The following KYNU variants were observed in gnomAD, a reference collection of about 807,000 sequenced individuals.
KYNU encodes the protein kynureninase, also known as L-kynurenine hydrolase.
In KYNU, 54 loss-of-function variants were observed where a neutral mutation model predicts 59.2. The ratio of observed to expected loss-of-function variants is 0.91; its 90% CI spans 0.73 to 1.14. The LOEUF (loss-of-function observed/expected upper bound fraction) is 1.14, where lower values mean the gene tolerates loss of function less well. Ranked by LOEUF, KYNU falls within the 50% of genes most tolerant of loss-of-function variation. The pLI is 0.00. For missense variants in KYNU, 567 were observed against 554.4 expected (o/e 1.02, Z -0.23); for synonymous variants, 177 against 192.0 (o/e 0.92, Z 0.65).
At chr2:142,929,550 G>A (rs986204780) in intron 4 of KYNU, among the ~76,000 whole-genome samples, 2 of 152,124 alleles carry the variant, frequency 1.3e-5, no homozygotes, top group African/African-American at 2.4e-5. Context: ...CCAAGGCACA[G>A]TCTCAAGAGG....
intron 10 of KYNU, among the ~76,000 whole-genome samples, chr2:143,020,574 A>C (rs1357208056): frequency 6.6e-6 from 1 of 152,170 alleles, no homozygotes; most frequent in African/African-American, 2.4e-5. Context: ...AAATGTTCTA[A>C]GTGCTGATGA....
At chr2:142,915,715 G>T (rs1297297401) in intron 2 of KYNU, among the ~76,000 whole-genome samples, 1 of 152,134 alleles carries the variant, frequency 6.6e-6, no homozygotes, top group Non-Finnish European at 1.5e-5. Flanking sequence ...TTGACTTAAG[G>T]ACTAACTGGA....
chr2:142,900,659 G>A (rs1291970487), intron 2 of KYNU, among the ~76,000 whole-genome samples: 1 of 152,168 alleles, frequency 6.6e-6, no homozygotes, highest in Non-Finnish European at 1.5e-5. Flanking sequence ...AGTCGGCCTA[G>A]GAAATCCAGT....
At chr2:142,893,767 G>A (rs1247200433) in intron 2 of KYNU, among the ~76,000 whole-genome samples, 1 of 152,066 alleles carries the variant, frequency 6.6e-6, no homozygotes, top group Non-Finnish European at 1.5e-5. Context: ...TTCAGCTCAT[G>A]GAGCCCAATA....
intron 1 of KYNU, among the ~76,000 whole-genome samples, chr2:142,882,342 A>G (rs1009989642): frequency 6.7e-6 from 1 of 149,716 alleles, no homozygotes; most frequent in African/African-American, 2.5e-5. Context: ...TTTTTTTTTT[A>G]ATTATACTTT....
chr2:143,030,759 G>A, intron 11 of KYNU, among the ~76,000 whole-genome samples: 1 of 148,770 alleles, frequency 6.7e-6, no homozygotes. Context: ...TTACAATGGG[G>A]TTATTTCCTG....
chr2:142,921,853 CA>C (rs1682895493), intron 3 of KYNU, among the ~76,000 whole-genome samples: 1 of 141,978 alleles, frequency 7.0e-6, no homozygotes, highest in African/African-American at 2.8e-5. Context: ...TACATACATA[CA>C]TACATGTAGT....
At chr2:142,884,688 C>CTTTTTTTTTTTTTTTTTTTT (rs70997529) in intron 1 of KYNU, among the ~76,000 whole-genome samples, 56 of 77,052 alleles carry the variant, frequency 7.3e-4, no homozygotes, top group Non-Finnish European at 9.4e-4. Context: ...TTCTCTTTTC[C>CTTTTTTTTTTTTTTTTTTTT]TTTTTTTTTT....
chr2:142,928,751 T>TAATC (rs1471844924), intron 4 of KYNU, among the ~76,000 whole-genome samples: 1 of 151,998 alleles, frequency 6.6e-6, no homozygotes, highest in African/African-American at 2.4e-5. Flanking sequence ...CACACACCTA[T>TAATC]AATCCCAGCA....
chr2:142,888,802 C>A (rs1034662378), intron 2 of KYNU, among the ~76,000 whole-genome samples: 2 of 150,668 alleles, frequency 1.3e-5, no homozygotes, highest in Middle Eastern at 3.4e-3. Flanking sequence ...CTACTCGAGA[C>A]ACTTCTGTCA....
chr2:143,004,417 A>C lies in KYNU; in HGVS notation c.902+18396A>C, dbSNP rs1395259434. Among the ~76,000 whole-genome samples, 6 of 152,174 alleles carry C rather than the reference A, an allele frequency of 3.9e-5. No individual in the cohort carries two copies. In the East Asian group the frequency reaches 9.6e-4, roughly 24 times the overall value. ...TGTGTTGAAGCTGCTAGAGGAAATA[A>C]AAAATAAAGGCAGCCTGGAATGGTT... On this transcript the variant is annotated intron_variant, in intron 10 of 13. Transcript: ENST00000264170.
At position 143,050,686 on chromosome 2, in the gene KYNU, G is replaced by GAAAGA. The variant is rs1687250929; in HGVS notation, c.*8516_*8517insAGAAA. 2 of 152,186 alleles carry GAAAGA rather than the reference G, an allele frequency of 1.3e-5. No individual in the cohort carries two copies. The highest frequency in any genetic ancestry group is 2.9e-5 in the Non-Finnish European group (2 of 68,032). 9.4% of individuals were successfully genotyped at this position (152,186 alleles called of 1,614,324 possible). Reference sequence around the variant, plus strand: ...AACAGACTGAAGAAAGACTGGGTGTGAAGTCAGTAAATTAATTTCAAATTA... The same window carrying GAAAGA: ...AACAGACTGAAGAAAGACTGGGTGTGAAAGAAAGTCAGTAAATTAATTTCAAATTA... On this transcript the variant is annotated 3_prime_UTR_variant, in exon 14 of 14. Coordinates refer to ENST00000264170, the MANE Select transcript of KYNU (RefSeq NM_003937.3).
At chr2:142,970,414 G>C (rs1684685506) in intron 8 of KYNU, among the ~76,000 whole-genome samples, 1 of 152,092 alleles carries the variant, frequency 6.6e-6, no homozygotes, top group Admixed American at 6.6e-5. Flanking sequence ...AAGTAAATTT[G>C]GTTGAGGAAT....
chr2:142,909,940 T>C lies in KYNU; in HGVS notation c.170-8669T>C, dbSNP rs554459913. Among the ~76,000 whole-genome samples the C allele has an allele frequency of 4.6e-5, 7 of 152,314 alleles. No individual in the cohort carries two copies. In the East Asian group the frequency reaches 9.6e-4, roughly 21 times the overall value. ...ACCAATGATGTATAAGTGTTTTATTTCTTTGCAACCTTGTCACCATCTGTT... is the reference window on the plus strand; with the variant it reads ...ACCAATGATGTATAAGTGTTTTATTCCTTTGCAACCTTGTCACCATCTGTT... On this transcript the variant is annotated intron_variant, in intron 2 of 13. Transcript: ENST00000264170.
At chr2:142,964,757 G>A (rs1478021462) in intron 8 of KYNU, 2 of 152,164 alleles carry the variant, frequency 1.3e-5, no homozygotes, top group Non-Finnish European at 2.9e-5. Flanking sequence ...ATATGACTTT[G>A]ATTCACACAA....
At chr2:142,893,658 G>A (rs1474389412) in intron 2 of KYNU, among the ~76,000 whole-genome samples, 1 of 151,896 alleles carries the variant, frequency 6.6e-6, no homozygotes, top group Non-Finnish European at 1.5e-5. Context: ...TGAGAAGATG[G>A]TATGGGAAAA....
At chr2:143,002,362 C>A (rs1685728681) in intron 10 of KYNU, among the ~76,000 whole-genome samples, 1 of 152,114 alleles carries the variant, frequency 6.6e-6, no homozygotes, top group African/African-American at 2.4e-5. Flanking sequence ...GTTCTGAGTT[C>A]TTTTTTCCTA....
intron 10 of KYNU, chr2:142,988,978 T>C: frequency 8.8e-7 from 1 of 1,131,650 alleles, no homozygotes; most frequent in South Asian, 1.3e-5. Context: ...TTTGTGTCCC[T>C]TAGTGTGTTT....
chr2:142,890,160 G>T (rs1681666788), intron 2 of KYNU, among the ~76,000 whole-genome samples: 1 of 151,274 alleles, frequency 6.6e-6, no homozygotes, highest in South Asian at 2.1e-4. Flanking sequence ...GGAAAGAAAA[G>T]AAAGAAGGGA....
Sources: allele counts gnomAD v4.1 joint callset (sites outside exome capture counted in the v4.1 genomes callset), GRCh38; gene constraint gnomAD v4.1.1; transcripts MANE v1.5; gene names NCBI Gene and HGNC (gene_info 2026-07-23, HGNC 2026-07-21).